RETREG1: variants seen among roughly 807,000 people sequenced by gnomAD.
RETREG1 encodes the protein reticulophagy regulator 1, also known as family with sequence similarity 134 member B.
Under a neutral mutation model 54.8 loss-of-function variants are expected in RETREG1, and 44 were observed. The ratio of observed to expected loss-of-function variants is 0.80; its 90% CI spans 0.63 to 1.03. The LOEUF is 1.03. RETREG1 is among the 50% of genes least tolerant of loss of function. The probability of loss-of-function intolerance (pLI) is 0.00; values close to 1 mark genes in which losing one functional copy is unlikely to be tolerated. For synonymous variants in RETREG1, 217 were observed against 238.5 expected (o/e 0.91, Z 0.83); for missense variants, 554 against 605.1 (o/e 0.92, Z 0.89).
At chr5:16,588,352 T>C (rs1369603733) in intron 1 of RETREG1, among the ~76,000 whole-genome samples, 1 of 152,196 alleles carries the variant, frequency 6.6e-6, no homozygotes, top group African/African-American at 2.4e-5. Context: ...CCAGTCATAT[T>C]GAATCAGGGC....
chr5:16,554,146 C>G (rs1209277001), intron 3 of RETREG1, among the ~76,000 whole-genome samples: 1 of 152,210 alleles, frequency 6.6e-6, no homozygotes, highest in Non-Finnish European at 1.5e-5. Flanking sequence ...TTGATCTCAC[C>G]TGACCTTGGA....
intron 3 of RETREG1, among the ~76,000 whole-genome samples, chr5:16,515,613 G>T (rs1740326481): frequency 6.6e-6 from 1 of 152,186 alleles, no homozygotes; most frequent in Non-Finnish European, 1.5e-5. Flanking sequence ...TAAGGATCAG[G>T]AAGTAAGTTA....
intron 3 of RETREG1, among the ~76,000 whole-genome samples, chr5:16,507,138 T>C (rs1463361177): frequency 6.6e-6 from 1 of 152,214 alleles, no homozygotes; most frequent in Non-Finnish European, 1.5e-5. Flanking sequence ...TGTGAAAATA[T>C]TGCATTTCAT....
chr5:16,532,063 C>T (rs780505099), intron 3 of RETREG1, among the ~76,000 whole-genome samples: 1 of 152,178 alleles, frequency 6.6e-6, no homozygotes, highest in African/African-American at 2.4e-5. Flanking sequence ...CTGACAGACA[C>T]AGGAAGGTAC....
intron 1 of RETREG1, among the ~76,000 whole-genome samples, chr5:16,573,748 T>TTG (rs1561125703): frequency 2.6e-4 from 37 of 139,690 alleles, no homozygotes; most frequent in Non-Finnish European, 5.1e-4. Context: ...TTTTGTTTTT[T>TTG]TTTTTTTTTT....
intron 3 of RETREG1, among the ~76,000 whole-genome samples, chr5:16,549,237 C>T (rs990665118): frequency 1.3e-5 from 2 of 152,364 alleles, no homozygotes; most frequent in African/African-American, 4.8e-5. Context: ...TATTCCTTCA[C>T]TGTTGGAGGA....
chr5:16,606,301 C>T (rs986323620), intron 1 of RETREG1, among the ~76,000 whole-genome samples: 2 of 152,114 alleles, frequency 1.3e-5, no homozygotes, highest in Middle Eastern at 3.2e-3. Context: ...TGCTGCCACT[C>T]TCCTTCTCAA....
chr5:16,509,940 G>A (rs62369674), intron 3 of RETREG1, among the ~76,000 whole-genome samples: 15,675 of 152,216 alleles, frequency 0.1, 911 homozygotes, highest in African/African-American at 0.12. Flanking sequence ...GCTGCAGTGA[G>A]CCAAGATCGT....
In RETREG1 at chr5:16,473,966, C is replaced by T. The variant is rs912828510; in HGVS notation, c.*775G>A. On this transcript the variant is annotated 3_prime_UTR_variant, in exon 9 of 9. Coordinates refer to ENST00000306320, the MANE Select transcript of RETREG1 (RefSeq NM_001034850.3). ...GTGCTCCCAACATCCCTATCACAAACATATGACGAATGAACAACAAAACAA... is the reference window on the plus strand; with the variant it reads ...GTGCTCCCAACATCCCTATCACAAATATATGACGAATGAACAACAAAACAA... 2.0e-5 allele frequency: 3 copies of T among 152,180 alleles called. No individual in the cohort carries two copies. The highest frequency in any genetic ancestry group is 4.4e-5 in the Non-Finnish European group (3 of 68,056). 9.4% of individuals were successfully genotyped at this position (152,180 alleles called of 1,614,324 possible).
In RETREG1 at chr5:16,475,444, A is replaced by G. The variant is rs16868659; in HGVS notation, c.1001-210T>C. Reference sequence around the variant, plus strand: ...CTCCACAGGGACACAAATACTACACATCCCTCTCCATATTTAGCTTTCCTC... The same window carrying G: ...CTCCACAGGGACACAAATACTACACGTCCCTCTCCATATTTAGCTTTCCTC... On this transcript the variant is annotated intron_variant, in intron 8 of 8. Transcript: ENST00000306320. Among the ~76,000 whole-genome samples, 3,768 of 152,172 alleles carry G rather than the reference A, an allele frequency of 0.025. 153 individuals are homozygous for G. Among genetic ancestry groups the G allele is most frequent in the African/African-American group, 0.086 (3,591 of 41,518 alleles).
In RETREG1 at chr5:16,525,153, G is replaced by A. The variant is rs144554427; in HGVS notation, c.458+40610C>T. On this transcript the variant is annotated intron_variant, in intron 3 of 8. Transcript: ENST00000306320. ...GACACTGTGATGACCTGTGTCCTCC[G>A]GCTCCTGCAGGTGGATGTGCATAGG... Among the ~76,000 whole-genome samples, 9 of 86,836 alleles carry A rather than the reference G, an allele frequency of 1.0e-4. No individual in the cohort carries two copies. In the East Asian group the frequency reaches 1.5e-3, roughly 14 times the overall value. The allele number at this position is 86,836 out of a possible 152,430, so 57.0% of individuals were successfully genotyped here.
At chr5:16,520,595 T>C (rs975522793) in intron 3 of RETREG1, among the ~76,000 whole-genome samples, 15 of 152,218 alleles carry the variant, frequency 9.9e-5, no homozygotes, top group South Asian at 4.1e-4. Context: ...CCCAAAGTGC[T>C]GGGATTACAG....
At chr5:16,539,093 A>T (rs1277238097) in intron 3 of RETREG1, among the ~76,000 whole-genome samples, 1 of 152,196 alleles carries the variant, frequency 6.6e-6, no homozygotes, top group Non-Finnish European at 1.5e-5. Flanking sequence ...TAAAGCCCAG[A>T]CATCAGTATA....
chr5:16,480,749 G>T (rs1213098386), intron 5 of RETREG1, among the ~76,000 whole-genome samples: 1 of 152,066 alleles, frequency 6.6e-6, no homozygotes. Context: ...GGGGCATACA[G>T]CTTTATGTAT....
At chr5:16,484,316 T>C (rs1254434846) in intron 3 of RETREG1, among the ~76,000 whole-genome samples, 1 of 152,186 alleles carries the variant, frequency 6.6e-6, no homozygotes, top group Non-Finnish European at 1.5e-5. Flanking sequence ...TAATTCCTGC[T>C]CTTGCAATCC....
chr5:16,507,221 A>G lies in RETREG1; in HGVS notation c.459-23749T>C, dbSNP rs191737147. ...CCTCTAAAATGAGTAGGCCCCATAAATATGTACTGCACATATCAAATAGCT... is the reference window on the plus strand; with the variant it reads ...CCTCTAAAATGAGTAGGCCCCATAAGTATGTACTGCACATATCAAATAGCT... On this transcript the variant is annotated intron_variant, in intron 3 of 8. Coordinates refer to ENST00000306320, the MANE Select transcript of RETREG1 (RefSeq NM_001034850.3). Among the ~76,000 whole-genome samples the G allele has an allele frequency of 3.9e-3, 592 of 152,312 alleles. 6 individuals are homozygous for G. The highest frequency in any genetic ancestry group is 0.014 in the African/African-American group (562 of 41,560).
At chr5:16,480,688 G>C (rs759981847) in intron 5 of RETREG1, among the ~76,000 whole-genome samples, 1 of 151,946 alleles carries the variant, frequency 6.6e-6, no homozygotes, top group Non-Finnish European at 1.5e-5. Flanking sequence ...TTATTTTTTT[G>C]AGCCAAAGAA....
chr5:16,480,898 A>G, intron 5 of RETREG1, 111 bp downstream of exon 5: 1 of 737,428 alleles, frequency 1.4e-6, no homozygotes. Context: ...AGAATAATCA[A>G]CTTGTATTAT....
intron 3 of RETREG1, among the ~76,000 whole-genome samples, chr5:16,534,091 GA>G (rs1740988715): frequency 6.8e-6 from 1 of 147,120 alleles, no homozygotes; most frequent in African/African-American, 2.5e-5. Context: ...AGAGGTCTGA[GA>G]AACCAAAAAA....
Sources: gnomAD v4.1 joint callset for allele counts (sites outside exome capture counted in the v4.1 genomes callset) on GRCh38, gnomAD v4.1.1 for gene constraint, MANE v1.5 for transcripts, NCBI Gene and HGNC (gene_info 2026-07-23, HGNC 2026-07-21) for gene names.